ITGBL1: variants seen among roughly 807,000 people sequenced by gnomAD.
ITGBL1 encodes integrin subunit beta like 1, also known as integrin beta-like protein 1.
In ITGBL1, 51 loss-of-function variants were observed where a neutral mutation model predicts 68.5. The ratio of observed to expected loss-of-function variants is 0.74; its 90% CI spans 0.59 to 0.94. The LOEUF is 0.94. Ranked by LOEUF, ITGBL1 falls within the 40% of genes least tolerant of loss-of-function variation. The pLI, the probability that ITGBL1 is intolerant of heterozygous loss-of-function variation, is 0.00. For missense variants in ITGBL1, 649 were observed against 647.4 expected (o/e 1.00, Z -0.03); for synonymous variants, 209 against 227.3 (o/e 0.92, Z 0.72).
chr13:101,707,953 A>G (rs1304956790), intron 9 of ITGBL1, among the ~76,000 whole-genome samples: 2 of 152,082 alleles, frequency 1.3e-5, no homozygotes, highest in East Asian at 3.9e-4. Flanking sequence ...CACCAACCCA[A>G]TAAAACATTT....
chr13:101,713,038 A>G (rs1304105698), intron 9 of ITGBL1: 3 of 152,238 alleles, frequency 2.0e-5, no homozygotes, highest in Non-Finnish European at 4.4e-5. Flanking sequence ...CAATTATGCC[A>G]TAGCTACGCA....
intron 2 of ITGBL1, among the ~76,000 whole-genome samples, chr13:101,546,934 A>C (rs1468865373): frequency 6.6e-6 from 1 of 152,178 alleles, no homozygotes; most frequent in Non-Finnish European, 1.5e-5. Context: ...CAATTCTCAA[A>C]TATTTTAGTA....
chr13:101,584,594 C>G (rs886122646), intron 6 of ITGBL1, among the ~76,000 whole-genome samples: 3 of 152,166 alleles, frequency 2.0e-5, no homozygotes, highest in African/African-American at 7.2e-5. Flanking sequence ...GCTAAATCTT[C>G]CCATTGCAGA....
chr13:101,603,960 C>T (rs2030541688), intron 7 of ITGBL1, among the ~76,000 whole-genome samples: 1 of 151,838 alleles, frequency 6.6e-6, no homozygotes, highest in Non-Finnish European at 1.5e-5. Flanking sequence ...TATTTAAACT[C>T]CAAATGGTTA....
chr13:101,511,510 C>T (rs899263145), intron 2 of ITGBL1, among the ~76,000 whole-genome samples: 1 of 152,050 alleles, frequency 6.6e-6, no homozygotes, highest in Non-Finnish European at 1.5e-5. Context: ...AAGTCCCTAG[C>T]CTTTTGTTTT....
intron 7 of ITGBL1, among the ~76,000 whole-genome samples, chr13:101,682,113 A>G (rs2033657446): frequency 6.6e-6 from 1 of 152,172 alleles, no homozygotes; most frequent in Admixed American, 6.6e-5. Context: ...AGATTGTGGA[A>G]CAAGAGATGA....
At chr13:101,701,464 C>T (rs1383372480) in intron 8 of ITGBL1, among the ~76,000 whole-genome samples, 2 of 151,932 alleles carry the variant, frequency 1.3e-5, no homozygotes, top group Admixed American at 6.6e-5. Flanking sequence ...ACCCGGGAGT[C>T]GGAGGGTGCA....
At chr13:101,545,325 G>T (rs762655698) in intron 2 of ITGBL1, among the ~76,000 whole-genome samples, 1 of 152,104 alleles carries the variant, frequency 6.6e-6, no homozygotes, top group Non-Finnish European at 1.5e-5. Flanking sequence ...AAGAATAGAT[G>T]CACACAGGCC....
intron 3 of ITGBL1, among the ~76,000 whole-genome samples, chr13:101,572,630 C>T (rs1290140819): frequency 1.3e-5 from 2 of 151,986 alleles, no homozygotes; most frequent in African/African-American, 4.8e-5. Flanking sequence ...TTTGCCTGGG[C>T]GTCCATATGC....
At chr13:101,663,586 G>T (rs929867612) in intron 7 of ITGBL1, among the ~76,000 whole-genome samples, 15 of 152,070 alleles carry the variant, frequency 9.9e-5, no homozygotes, top group African/African-American at 2.9e-4. Context: ...CAATAAACAT[G>T]AAATTTATAT....
intron 2 of ITGBL1, among the ~76,000 whole-genome samples, chr13:101,529,293 A>G (rs967219973): frequency 9.9e-5 from 15 of 152,062 alleles, no homozygotes; most frequent in Admixed American, 2.6e-4. Context: ...GAAAGAACTG[A>G]TACTAAAATC....
intron 7 of ITGBL1, among the ~76,000 whole-genome samples, chr13:101,641,644 G>A (rs1280815112): frequency 6.7e-6 from 1 of 150,258 alleles, no homozygotes; most frequent in East Asian, 2.0e-4. Context: ...CATGTGCCAT[G>A]TTGGTGTGCT....
chr13:101,455,176 C>T (rs1211864260), intron 2 of ITGBL1, among the ~76,000 whole-genome samples: 4 of 152,074 alleles, frequency 2.6e-5, no homozygotes, highest in Non-Finnish European at 5.9e-5. Flanking sequence ...AATAAGACAG[C>T]CAACACTAAC....
intron 7 of ITGBL1, among the ~76,000 whole-genome samples, chr13:101,680,455 C>T (rs979315388): frequency 6.6e-6 from 1 of 150,820 alleles, no homozygotes; most frequent in African/African-American, 2.4e-5. Flanking sequence ...GAGAGTGTGC[C>T]TACTGTTACC....
chr13:101,454,362 T>C (rs2048209941), intron 2 of ITGBL1, among the ~76,000 whole-genome samples: 2 of 150,728 alleles, frequency 1.3e-5, no homozygotes, highest in Non-Finnish European at 2.9e-5. Context: ...AATTATGATT[T>C]TTTAAAGTTG....
chr13:101,595,510 A>G (rs931593108), intron 6 of ITGBL1, among the ~76,000 whole-genome samples: 4 of 152,158 alleles, frequency 2.6e-5, no homozygotes, highest in East Asian at 1.9e-4. Context: ...AGCAAAAAAA[A>G]TCAAACAACC....
chr13:101,701,820 T>C (rs2034143591), intron 8 of ITGBL1, among the ~76,000 whole-genome samples: 1 of 152,116 alleles, frequency 6.6e-6, no homozygotes, highest in Admixed American at 6.5e-5. Flanking sequence ...GGAATGGTGA[T>C]TTCCAGGAGC....
At chr13:101,521,797 C>A (rs2049289429) in intron 2 of ITGBL1, among the ~76,000 whole-genome samples, 1 of 152,050 alleles carries the variant, frequency 6.6e-6, no homozygotes, top group Non-Finnish European at 1.5e-5. Context: ...TGGACTAGTT[C>A]TTTTCCTTTC....
chr13:101,690,788 A>T (rs748040698), intron 7 of ITGBL1, among the ~76,000 whole-genome samples: 1 of 152,178 alleles, frequency 6.6e-6, no homozygotes, highest in Non-Finnish European at 1.5e-5. Context: ...GAAGTCATGG[A>T]TCCTTCTGAC....
Sources: gnomAD v4.1 joint callset for allele counts (sites outside exome capture counted in the v4.1 genomes callset) on GRCh38, gnomAD v4.1.1 for gene constraint, MANE v1.5 for transcripts, NCBI Gene and HGNC (gene_info 2026-07-23, HGNC 2026-07-21) for gene names.